Variants in DISC1 observed in about 807,000 individuals in gnomAD.
DISC1 encodes the protein disrupted in schizophrenia 1 protein.
A neutral mutation model predicts 84.5 loss-of-function variants in DISC1; 57 were observed. The observed-to-expected ratio is 0.67, with a 90% CI of 0.55 to 0.84. DISC1 has a LOEUF of 0.84. Ranked by LOEUF, DISC1 falls within the 40% of genes least tolerant of loss-of-function variation. The probability of loss-of-function intolerance (pLI) is 0.00; values close to 1 mark genes in which losing one functional copy is unlikely to be tolerated. For missense variants in DISC1, 1,000 were observed against 1,057.8 expected (o/e 0.95, Z 0.76); for synonymous variants, 411 against 415.2 (o/e 0.99, Z 0.12).
chr1:231,706,953 C>T (rs116372694), intron 3 of DISC1, among the ~76,000 whole-genome samples: 182 of 152,330 alleles, frequency 1.2e-3, no homozygotes, highest in African/African-American at 4.3e-3. Flanking sequence ...TTTGGTGTCT[C>T]AGTGGCTTCC....
At chr1:231,885,268 T>C (rs1295431136) in intron 9 of DISC1, among the ~76,000 whole-genome samples, 1 of 152,204 alleles carries the variant, frequency 6.6e-6, no homozygotes, top group Non-Finnish European at 1.5e-5. Flanking sequence ...ATAAGGTTGT[T>C]TGCCCATGGG....
chr1:231,992,239 T>C (rs1341552), intron 10 of DISC1, among the ~76,000 whole-genome samples: 12,972 of 152,278 alleles, frequency 0.085, 1,666 homozygotes, highest in African/African-American at 0.28. Flanking sequence ...CAGCAAACTA[T>C]ACAACTCTCA....
At chr1:232,034,814 A>G (rs1670363287) in intron 12 of DISC1, among the ~76,000 whole-genome samples, 1 of 152,012 alleles carries the variant, frequency 6.6e-6, no homozygotes, top group Non-Finnish European at 1.5e-5. Flanking sequence ...GGGACCACTT[A>G]TGCTTTTGCT....
chr1:232,007,164 A>G (rs1022131770), intron 10 of DISC1, among the ~76,000 whole-genome samples: 3 of 152,200 alleles, frequency 2.0e-5, no homozygotes, highest in Non-Finnish European at 4.4e-5. Flanking sequence ...CTGCTAGAGC[A>G]GTGTGGAAGG....
At chr1:231,724,680 G>C (rs1355391222) in intron 3 of DISC1, among the ~76,000 whole-genome samples, 1 of 152,160 alleles carries the variant, frequency 6.6e-6, no homozygotes, top group African/African-American at 2.4e-5. Flanking sequence ...TTCAATAGGA[G>C]ACCTGGCTTC....
intron 3 of DISC1, among the ~76,000 whole-genome samples, chr1:231,727,742 G>C (rs2070932694): frequency 6.6e-6 from 1 of 152,090 alleles, no homozygotes; most frequent in South Asian, 2.1e-4. Context: ...GCATGAGTTG[G>C]CCTAGTGTTA....
chr1:231,706,101 T>C (rs1053912648), intron 3 of DISC1, among the ~76,000 whole-genome samples: 5 of 152,208 alleles, frequency 3.3e-5, no homozygotes, highest in Admixed American at 3.3e-4. Flanking sequence ...TCTAATTACA[T>C]CTCTCCATCA....
intron 9 of DISC1, among the ~76,000 whole-genome samples, chr1:231,919,124 T>C (rs1313971348): frequency 6.6e-6 from 1 of 152,242 alleles, no homozygotes; most frequent in Non-Finnish European, 1.5e-5. Flanking sequence ...TGAAACCTGA[T>C]GGTTTTTAAG....
intron 3 of DISC1, among the ~76,000 whole-genome samples, chr1:231,716,136 C>T (rs1257395238): frequency 6.6e-6 from 1 of 152,030 alleles, no homozygotes; most frequent in Non-Finnish European, 1.5e-5. Context: ...CTACCACTTA[C>T]CCGCTACCCC....
intron 10 of DISC1, among the ~76,000 whole-genome samples, chr1:231,978,800 T>G (rs76735438): frequency 0.011 from 1,606 of 152,294 alleles, 12 homozygotes; most frequent in Non-Finnish European, 0.017. Context: ...AAATCAGTGT[T>G]TACTCCAAAA....
intron 4 of DISC1, among the ~76,000 whole-genome samples, chr1:231,762,961 A>G (rs1054495958): frequency 6.6e-6 from 1 of 152,202 alleles, no homozygotes; most frequent in African/African-American, 2.4e-5. Flanking sequence ...GTGCGGTGAC[A>G]CGGTGTGAAA....
intron 9 of DISC1, among the ~76,000 whole-genome samples, chr1:231,864,912 G>T (rs2125932955): frequency 6.6e-6 from 1 of 152,202 alleles, no homozygotes; most frequent in South Asian, 2.1e-4. Flanking sequence ...ATTTTATTTG[G>T]TTGCATGGTA....
chr1:231,713,537 G>C (rs1265613265), intron 3 of DISC1, among the ~76,000 whole-genome samples: 2 of 151,802 alleles, frequency 1.3e-5, no homozygotes, highest in Admixed American at 6.6e-5. Flanking sequence ...TAGAGGGTTA[G>C]ACAGAAGATT....
At position 231,710,759 on chromosome 1, in the gene DISC1, A is replaced by G. The variant is rs1044646363; in HGVS notation, c.1117+8735A>G. Among the ~76,000 whole-genome samples the G allele has an allele frequency of 2.0e-5, 3 of 152,256 alleles. No homozygotes were observed. The South Asian group carries it at 6.2e-4, about 32-fold the overall frequency. ...ATAAGGACACCAGTCATATTGGAAT[A>G]GGATGCATCCTTGTGACCTCATTGA... On this transcript the variant is annotated intron_variant, in intron 3 of 12. Coordinates refer to ENST00000439617, the MANE Select transcript of DISC1 (RefSeq NM_018662.3).
intron 10 of DISC1, among the ~76,000 whole-genome samples, chr1:232,002,082 C>T (rs1440467019): frequency 6.6e-6 from 1 of 152,030 alleles, no homozygotes; most frequent in East Asian, 1.9e-4. Context: ...AAATACACCT[C>T]ACTGAAGAGG....
intron 4 of DISC1, among the ~76,000 whole-genome samples, chr1:231,756,755 C>T (rs2075184566): frequency 6.6e-6 from 1 of 152,156 alleles, no homozygotes; most frequent in Non-Finnish European, 1.5e-5. Context: ...TCTCCAAACT[C>T]CACTCCCTTC....
chr1:231,769,432 C>G (rs972008907), intron 5 of DISC1, among the ~76,000 whole-genome samples: 1 of 152,102 alleles, frequency 6.6e-6, no homozygotes, highest in African/African-American at 2.4e-5. Context: ...AGATATTAGT[C>G]TCGGAAGGAA....
intron 6 of DISC1, among the ~76,000 whole-genome samples, chr1:231,788,709 A>G (rs1392000094): frequency 6.6e-6 from 1 of 152,200 alleles, no homozygotes; most frequent in Non-Finnish European, 1.5e-5. Flanking sequence ...GTTGACTCCA[A>G]GTTTTTAACC....
intron 1 of DISC1, among the ~76,000 whole-genome samples, chr1:231,662,226 T>C (rs1025646237): frequency 6.6e-6 from 1 of 152,228 alleles, no homozygotes; most frequent in Non-Finnish European, 1.5e-5. Context: ...TCAGGTGGAA[T>C]GGTATCAGGG....
Sources: gnomAD v4.1 joint callset for allele counts (sites outside exome capture counted in the v4.1 genomes callset) on GRCh38, gnomAD v4.1.1 for gene constraint, MANE v1.5 for transcripts, NCBI Gene and HGNC (gene_info 2026-07-23, HGNC 2026-07-21) for gene names.